Variants in RBFOX1 observed in about 807,000 individuals in gnomAD.
RBFOX1 encodes the protein RNA binding fox-1 homolog 1.
RBFOX1 carries 8 observed loss-of-function variants against 57.7 expected under a neutral mutation model. The observed-to-expected ratio is 0.14, with a 90% CI of 0.08 to 0.25. The LOEUF (loss-of-function observed/expected upper bound fraction) is 0.25. RBFOX1 is among the 10% of genes least tolerant of loss of function. RBFOX1 has a pLI of 1.00. For missense variants in RBFOX1, 611 were observed against 548.5 expected, an observed-to-expected ratio of 1.11 and a Z score of -1.14; for synonymous variants, 326 against 222.4, an observed-to-expected ratio of 1.47 and a Z score of -4.15.
chr16:5,279,254 A>T (rs1265437438), intron 1 of RBFOX1, among the ~76,000 whole-genome samples: 1 of 151,794 alleles, frequency 6.6e-6, no homozygotes, highest in East Asian at 1.9e-4. Context: ...TTCTCAATTT[A>T]TTTTATCAGT....
At chr16:6,932,596 T>G (rs1254453636) in intron 3 of RBFOX1, among the ~76,000 whole-genome samples, 1 of 152,146 alleles carries the variant, frequency 6.6e-6, no homozygotes, top group Non-Finnish European at 1.5e-5. Context: ...CACTTCCTCA[T>G]CCCACGGGCC....
rs369881119 is a variant in RBFOX1, at chr16:5,714,651, T to G, written c.318+115690T>G. 2.0e-5 allele frequency among the ~76,000 whole-genome samples: 3 copies of G among 152,292 alleles called. No individual in the cohort carries two copies. In the East Asian group the frequency reaches 5.8e-4, roughly 29 times the overall value. The stretch of plus-strand genomic sequence containing the variant: ...ACAAGAAAGATGTGCTTAGTAACGG[T>G]TTTCATTTGTCATCTCTGCAAGAGT... On this transcript the variant is annotated intron_variant, in intron 3 of 19. Coordinates refer to the RBFOX1 transcript ENST00000641259.
At chr16:5,325,034 C>T (rs191937222) in intron 1 of RBFOX1, among the ~76,000 whole-genome samples, 222 of 152,248 alleles carry the variant, frequency 1.5e-3, no homozygotes, top group African/African-American at 5.1e-3. Flanking sequence ...AGAAGTCTAC[C>T]TATGTGACAA....
At chr16:7,242,011 C>G (rs9925760) in intron 4 of RBFOX1, among the ~76,000 whole-genome samples, 1 of 151,966 alleles carries the variant, frequency 6.6e-6, no homozygotes, top group Non-Finnish European at 1.5e-5. Flanking sequence ...TTGGTAATCC[C>G]TTTTTTTGTG....
intron 4 of RBFOX1, among the ~76,000 whole-genome samples, chr16:7,106,664 A>G (rs570851173): frequency 8.5e-5 from 13 of 152,170 alleles, no homozygotes; most frequent in Admixed American, 4.6e-4. Context: ...ATTTAATTCA[A>G]ACATTGTGGA....
At chr16:7,118,658 C>G (rs1271046652) in intron 4 of RBFOX1, among the ~76,000 whole-genome samples, 3 of 152,056 alleles carry the variant, frequency 2.0e-5, no homozygotes, top group African/African-American at 4.8e-5. Context: ...TGGTTAGAAA[C>G]AAGTTGTGGG....
chr16:5,690,222 C>G (rs1887195811), intron 3 of RBFOX1, among the ~76,000 whole-genome samples: 2 of 152,228 alleles, frequency 1.3e-5, no homozygotes, highest in African/African-American at 4.8e-5. Context: ...AGACAGTCAT[C>G]CATGAGCTCC....
At chr16:7,029,236 G>A (rs1219813379) in intron 3 of RBFOX1, among the ~76,000 whole-genome samples, 6 of 55,292 alleles carry the variant, frequency 1.1e-4, no homozygotes, top group East Asian at 2.0e-3. Flanking sequence ...ATATATATAC[G>A]TATACGTATA....
At chr16:6,253,970 A>G (rs756331281) in intron 1 of RBFOX1, among the ~76,000 whole-genome samples, 1 of 152,002 alleles carries the variant, frequency 6.6e-6, no homozygotes, top group Non-Finnish European at 1.5e-5. Flanking sequence ...GTAGGACAGA[A>G]CTCTTATAAA....
chr16:6,695,550 G>T (rs111508918), intron 3 of RBFOX1, among the ~76,000 whole-genome samples: 1 of 151,806 alleles, frequency 6.6e-6, no homozygotes, highest in Admixed American at 6.6e-5. Flanking sequence ...TGGCCGACGC[G>T]CCTATTATGA....
intron 4 of RBFOX1, among the ~76,000 whole-genome samples, chr16:7,332,139 T>C (rs914053565): frequency 1.3e-5 from 2 of 152,220 alleles, no homozygotes; most frequent in African/African-American, 4.8e-5. Flanking sequence ...GTGTTGTGGT[T>C]AGGAATCGGG....
chr16:5,805,223 G>C (rs557098476), intron 3 of RBFOX1, among the ~76,000 whole-genome samples: 2 of 152,270 alleles, frequency 1.3e-5, no homozygotes, highest in East Asian at 3.9e-4. Context: ...CCCTGGAATA[G>C]AGCCTGGATT....
chr16:5,720,895 A>G (rs1291468171), intron 3 of RBFOX1, among the ~76,000 whole-genome samples: 1 of 152,096 alleles, frequency 6.6e-6, no homozygotes, highest in Non-Finnish European at 1.5e-5. Flanking sequence ...AGTTTTCAAG[A>G]TTGTTTTGAT....
chr16:6,793,035 A>G (rs116319396), intron 3 of RBFOX1, among the ~76,000 whole-genome samples: 2,529 of 151,936 alleles, frequency 0.017, 95 homozygotes, highest in African/African-American at 0.058. Flanking sequence ...TCTGAAAAAA[A>G]AAAAAAAATA....
chr16:6,695,140 C>T (rs908366309), intron 3 of RBFOX1, among the ~76,000 whole-genome samples: 2 of 152,052 alleles, frequency 1.3e-5, no homozygotes, highest in African/African-American at 4.8e-5. Context: ...AAAACAATGG[C>T]CGGGCGCAGT....
intron 2 of RBFOX1, among the ~76,000 whole-genome samples, chr16:6,449,063 A>G (rs528355812): frequency 1.3e-5 from 2 of 152,316 alleles, no homozygotes; most frequent in South Asian, 4.1e-4. Flanking sequence ...TATTTCTGCC[A>G]TTGTAAGTAT....
At chr16:6,611,572 C>T (rs909553277) in intron 2 of RBFOX1, among the ~76,000 whole-genome samples, 1 of 152,238 alleles carries the variant, frequency 6.6e-6, no homozygotes, top group Non-Finnish European at 1.5e-5. Flanking sequence ...TGAGACTCCA[C>T]AGTGAGCATG....
At chr16:5,832,041 A>G (rs1390070030) in intron 3 of RBFOX1, among the ~76,000 whole-genome samples, 2 of 152,206 alleles carry the variant, frequency 1.3e-5, no homozygotes, top group Non-Finnish European at 2.9e-5. Flanking sequence ...GGAAGACCCC[A>G]GTCAGCATCA....
At chr16:6,615,938 C>T (rs1285459830) in intron 2 of RBFOX1, among the ~76,000 whole-genome samples, 1 of 152,196 alleles carries the variant, frequency 6.6e-6, no homozygotes, top group African/African-American at 2.4e-5. Flanking sequence ...CAGAAACTAT[C>T]TGTGAACAGT....
Sources: gnomAD v4.1 joint callset for allele counts (sites outside exome capture counted in the v4.1 genomes callset) on GRCh38, gnomAD v4.1.1 for gene constraint, MANE v1.5 for transcripts, NCBI Gene and HGNC (gene_info 2026-07-23, HGNC 2026-07-21) for gene names.